Variants in RPP38 observed in about 807,000 individuals in gnomAD.
RPP38 encodes the protein ribonuclease P/MRP subunit p38.
In RPP38, 2 loss-of-function variants were observed where a neutral mutation model predicts 1.7. The observed-to-expected ratio is 1.18, with a 90% CI of 0.48 to 3.70. The LOEUF (loss-of-function observed/expected upper bound fraction) is 3.70. RPP38 is among the 30% of genes most tolerant of loss of function. The pLI is 0.07. For synonymous variants in RPP38, 151 were observed against 131.8 expected, an observed-to-expected ratio of 1.15 and a Z score of -1.00; for missense variants, 358 against 340.1, an observed-to-expected ratio of 1.05 and a Z score of -0.41.
At position 15,103,598 on chromosome 10, in the gene RPP38, CAG is replaced by C. The variant is rs747040189; in HGVS notation, c.286_287del (p.Asp96CysfsTer2). The C allele has an allele frequency of 4.3e-6, 7 of 1,614,096 alleles. No individual in the cohort carries two copies. The South Asian group carries it at 7.7e-5, about 18-fold the overall frequency. On this transcript the variant is annotated frameshift_variant, in exon 3 of 3. Coordinates refer to ENST00000378197, the MANE Select transcript of RPP38 (RefSeq NM_183005.5). LOFTEE classifies it low-confidence loss of function (END_TRUNC). ...AGTGAGAATCTGAAGGAGAAGAAAA[CAG>C]ATGCTAAGCAGCAAGTGTCAGGGTG... is the stretch of plus-strand genomic sequence containing the variant.
chr10:15,098,349 C>G lies in RPP38; in HGVS notation c.-130+583C>G, dbSNP rs542779541. Among the ~76,000 whole-genome samples the G allele has an allele frequency of 2.7e-5, 4 of 150,316 alleles. No individual in the cohort carries two copies. In the South Asian group the frequency reaches 8.4e-4, roughly 32 times the overall value. On this transcript the variant is annotated intron_variant, in intron 1 of 2. Coordinates refer to ENST00000378197, the MANE Select transcript of RPP38 (RefSeq NM_183005.5). Reference sequence around the variant, plus strand: ...AAGCGATTCTCCTGCCTCAGCCTCCCGAGTAGCTGGGACTACAGGCGCCTG... The same window carrying G: ...AAGCGATTCTCCTGCCTCAGCCTCCGGAGTAGCTGGGACTACAGGCGCCTG...
chr10:15,100,525 A>G (rs1375947846), intron 1 of RPP38, among the ~76,000 whole-genome samples: 1 of 151,894 alleles, frequency 6.6e-6, no homozygotes, highest in African/African-American at 2.4e-5. Flanking sequence ...CTCTCACCCT[A>G]AGGAGCTGAA....
chr10:15,100,036 TTC>T (rs570374511), intron 1 of RPP38, among the ~76,000 whole-genome samples: 61 of 152,314 alleles, frequency 4.0e-4, no homozygotes, highest in African/African-American at 1.4e-3. Context: ...AAGCCTATTT[TTC>T]TCTCTTTCTC....
rs1358199746 is a variant in RPP38 at position 15,103,587 on chromosome 10, G to C, written c.273G>C (p.Lys91Asn). The C allele has an allele frequency of 1.2e-5, 19 of 1,614,006 alleles. No homozygotes were observed. Among genetic ancestry groups the C allele is most frequent in the Non-Finnish European group, 1.6e-5 (19 of 1,180,038 alleles). The change falls in exon 3 of 3, where the codon AAG (lysine) becomes AAC (asparagine). Residue 91 changes from lysine (K) to asparagine (N), a missense_variant. Transcript: ENST00000378197. ...SIAVDISENL[K>N]EKKTDAKQQV... ...CTGTTGATATTAGTGAGAATCTGAA[G>C]GAGAAGAAAACAGATGCTAAGCAGC...
At chr10:15,098,884 CAAAAAAAAA>C (rs781428605) in intron 1 of RPP38, among the ~76,000 whole-genome samples, 2 of 39,688 alleles carry the variant, frequency 5.0e-5, no homozygotes, top group Non-Finnish European at 8.9e-5. Flanking sequence ...GACTCCGTCT[CAAAAAAAAA>C]AAAAAAAAAA....
At chr10:15,099,219 G>A (rs920292734) in intron 1 of RPP38, among the ~76,000 whole-genome samples, 3 of 152,172 alleles carry the variant, frequency 2.0e-5, no homozygotes, top group South Asian at 2.1e-4. Flanking sequence ...GTGGGAAAAT[G>A]CTGGCCTCAT....
At chr10:15,103,205 C>G (rs1178905502) in intron 2 of RPP38, 100 bp from the exon 3 acceptor site, 2 of 1,122,318 alleles carry the variant, frequency 1.8e-6, no homozygotes, top group African/African-American at 3.2e-5. Context: ...AAAATAAATA[C>G]ATAAATAAAT....
rs1166124240 is a variant in RPP38, at chr10:15,097,726, A to G, written c.-170A>G. 1 of 152,282 alleles carries G rather than the reference A, an allele frequency of 6.6e-6. No individual in the cohort carries two copies. The highest frequency in any genetic ancestry group is 1.5e-5 in the Non-Finnish European group (1 of 68,078). The allele number at this position is 152,282 out of a possible 1,614,324, so 9.4% of individuals were successfully genotyped here. On this transcript the variant is annotated 5_prime_UTR_variant, in exon 1 of 3. Transcript: ENST00000378197. ...CACGGTCTCCAAGGAGACACGGACA[A>G]CAGAACAACACTTCCGTGTGCTAAA...
chr10:15,103,697 A>T lies in RPP38; in HGVS notation c.383A>T (p.Glu128Val). ...NEVTRALERR[E>V]LLLVLVCKSV... ...GTTACCAGAGCCCTGGAAAGGAGGG[A>T]ACTGCTGTTAGTTCTGGTGTGTAAA... The change falls in exon 3 of 3, where the codon GAA (glutamate) becomes GTA (valine). Residue 128 changes from glutamate to valine, a missense_variant. Coordinates refer to ENST00000378197, the MANE Select transcript of RPP38 (RefSeq NM_183005.5). The T allele has an allele frequency of 1.2e-6, 2 of 1,613,970 alleles. No homozygotes were observed. Among genetic ancestry groups the T allele is most frequent in the Non-Finnish European group, 1.7e-6 (2 of 1,180,028 alleles).
chr10:15,101,767 A>G (rs1589272643), intron 1 of RPP38, among the ~76,000 whole-genome samples: 1 of 152,070 alleles, frequency 6.6e-6, no homozygotes, highest in East Asian at 1.9e-4. Flanking sequence ...TTGGGCACCT[A>G]TAATCCCAGC....
chr10:15,098,125 C>T (rs1844996502), intron 1 of RPP38, among the ~76,000 whole-genome samples: 1 of 151,540 alleles, frequency 6.6e-6, no homozygotes, highest in African/African-American at 2.4e-5. Flanking sequence ...CACTGGAACG[C>T]TTGCAAAGGT....
chr10:15,103,249 G>T, intron 2 of RPP38, 56 bp from the exon 3 acceptor site: 1 of 1,408,690 alleles, frequency 7.1e-7, no homozygotes, highest in Non-Finnish European at 9.7e-7. Context: ...ATATTCTTAA[G>T]TCATGCAGTT....
chr10:15,099,019 T>TA (rs138387073), intron 1 of RPP38, among the ~76,000 whole-genome samples: 6,357 of 151,960 alleles, frequency 0.042, 432 homozygotes, highest in African/African-American at 0.15. Context: ...CTTTATTGTA[T>TA]AATTACTTGC....
chr10:15,103,174 A>C, intron 2 of RPP38, 131 bp from the exon 3 acceptor site: 1 of 838,454 alleles, frequency 1.2e-6, no homozygotes, highest in Non-Finnish European at 1.7e-6. Flanking sequence ...CCTGGGCAAC[A>C]AGAGTGAAAT....
chr10:15,103,263 G>A (rs1413737538), intron 2 of RPP38, 42 bp from the exon 3 acceptor site: 94 of 1,517,492 alleles, frequency 6.2e-5, no homozygotes, highest in Non-Finnish European at 7.0e-5. Flanking sequence ...TGCAGTTGTC[G>A]CTAACATGAA....
rs756432245 is a variant in RPP38, at chr10:15,103,551, A to G, written c.237A>G (p.Lys79=). ...TTCTGAAAAAAGAAAGCAGAGAGAA[A>G]TGCAGCATTGCTGTTGATATTAGTG... The part of the protein sequence containing the change: ...TPFLKKESRE[K]CSIAVDISEN... Residue 79 remains lysine, a synonymous_variant, in exon 3 of 3, where the codon AAA becomes AAG. Coordinates refer to ENST00000378197, the MANE Select transcript of RPP38 (RefSeq NM_183005.5). 4 of 1,614,162 alleles carry G rather than the reference A, an allele frequency of 2.5e-6. No homozygotes were observed. The highest frequency in any genetic ancestry group is 3.4e-6 in the Non-Finnish European group (4 of 1,180,032).
rs1190010613 is a variant in RPP38 at position 15,099,957 on chromosome 10, T to TA, written c.-130+2196dup. Among the ~76,000 whole-genome samples, 6 of 152,160 alleles carry TA rather than the reference T, an allele frequency of 3.9e-5. No individual in the cohort carries two copies. The South Asian group carries it at 1.2e-3, about 32-fold the overall frequency. On this transcript the variant is annotated intron_variant, in intron 1 of 2. Transcript: ENST00000378197. ...CAGGTGACAGGGCAAGACTGTCTAG[T>TA]AAAAAGAGTTTGCCCTTGATCTACA... is the stretch of plus-strand genomic sequence containing the variant.
chr10:15,100,075 T>C (rs1483581789), intron 1 of RPP38, among the ~76,000 whole-genome samples: 1 of 152,222 alleles, frequency 6.6e-6, no homozygotes, highest in Non-Finnish European at 1.5e-5. Context: ...TATCAGTCAG[T>C]ACTTTGTTTC....
chr10:15,100,342 C>T (rs569092218), intron 1 of RPP38, among the ~76,000 whole-genome samples: 8 of 152,262 alleles, frequency 5.3e-5, no homozygotes, highest in African/African-American at 1.9e-4. Context: ...TGATGCCAGC[C>T]CCTCACAGTC....
Sources: allele counts gnomAD v4.1 joint callset (sites outside exome capture counted in the v4.1 genomes callset), GRCh38; gene constraint gnomAD v4.1.1; transcripts MANE v1.5; gene names NCBI Gene and HGNC (gene_info 2026-07-23, HGNC 2026-07-21).